DPF3: variants seen among roughly 807,000 people sequenced by gnomAD.
DPF3 encodes the protein double PHD fingers 3, also known as zinc finger protein DPF3.
DPF3 carries 18 observed loss-of-function variants against 56.8 expected under a neutral mutation model. The observed-to-expected ratio is 0.32, with a 90% confidence interval of 0.22 to 0.47. DPF3 has a LOEUF of 0.47. DPF3 is among the 20% of genes least tolerant of loss of function. The pLI is 1.00. For synonymous variants in DPF3, 188 were observed against 180.2 expected, an observed-to-expected ratio of 1.04 and a Z score of -0.35; for missense variants, 403 against 488.8, an observed-to-expected ratio of 0.82 and a Z score of 1.65.
At chr14:72,634,170 G>C (rs1599320032) in intron 8 of DPF3, among the ~76,000 whole-genome samples, 1 of 152,150 alleles carries the variant, frequency 6.6e-6, no homozygotes, top group African/African-American at 2.4e-5. Context: ...GAAGAAAGTA[G>C]GGGAGGGAAA....
intron 1 of DPF3, among the ~76,000 whole-genome samples, chr14:72,871,496 G>A (rs1024713329): frequency 6.6e-6 from 1 of 152,220 alleles, no homozygotes. Context: ...CAGCGCCCAG[G>A]TAGGTCTGAA....
chr14:72,789,608 C>T (rs2139979710), intron 1 of DPF3, among the ~76,000 whole-genome samples: 1 of 152,324 alleles, frequency 6.6e-6, no homozygotes, highest in African/African-American at 2.4e-5. Flanking sequence ...TGGCTCACTG[C>T]AGCCTCGATC....
intron 8 of DPF3, among the ~76,000 whole-genome samples, chr14:72,648,631 C>G (rs1885800535): frequency 6.6e-6 from 1 of 151,924 alleles, no homozygotes; most frequent in Non-Finnish European, 1.5e-5. Context: ...CCACCCAGCT[C>G]CCCGCCTCTG....
chr14:72,826,769 G>A (rs959356630), intron 1 of DPF3, among the ~76,000 whole-genome samples: 3 of 152,220 alleles, frequency 2.0e-5, no homozygotes, highest in East Asian at 3.9e-4. Context: ...ATGGCCGGGC[G>A]CGGTGGCTCA....
chr14:72,620,029 T>C (rs1884325288), intron 9 of DPF3, 45 bp from the exon 10 acceptor site: 3 of 1,490,698 alleles, frequency 2.0e-6, no homozygotes, highest in Non-Finnish European at 2.7e-6. Context: ...GATTCCATTA[T>C]TCGGGGCCAA....
At chr14:72,653,746 C>T (rs1885986529) in intron 8 of DPF3, among the ~76,000 whole-genome samples, 1 of 152,202 alleles carries the variant, frequency 6.6e-6, no homozygotes, top group Non-Finnish European at 1.5e-5. Context: ...GGATATCCCA[C>T]ACTCCTCCCA....
chr14:72,614,979 G>C lies in DPF3; in HGVS notation c.*4318C>G, dbSNP rs1884006173. ...CCCAGGAATGGAAGCCTGCTAAAAG[G>C]GACACCAAGTCACCACTGCTACCAG... On this transcript the variant is annotated 3_prime_UTR_variant, in exon 11 of 11. Transcript: ENST00000556509. 6.8e-6 allele frequency among the ~76,000 whole-genome samples: 1 copy of C among 148,080 alleles called. No homozygotes were observed. The highest frequency in any genetic ancestry group is 2.3e-4 in the South Asian group (1 of 4,318).
intron 1 of DPF3, among the ~76,000 whole-genome samples, chr14:72,793,981 T>A (rs1216813663): frequency 6.6e-6 from 1 of 152,192 alleles, no homozygotes; most frequent in Non-Finnish European, 1.5e-5. Flanking sequence ...TTAACATTCA[T>A]CCAGTCAGGC....
At chr14:72,871,769 G>A (rs12050368) in intron 1 of DPF3, among the ~76,000 whole-genome samples, 14,603 of 152,284 alleles carry the variant, frequency 0.096, 1,130 homozygotes, top group African/African-American at 0.21. Context: ...CTGGCATTGA[G>A]TCTCTGCAGC....
intron 1 of DPF3, among the ~76,000 whole-genome samples, chr14:72,812,359 G>A (rs992001250): frequency 2.6e-5 from 4 of 152,170 alleles, no homozygotes; most frequent in Admixed American, 2.6e-4. Flanking sequence ...ATGTGCCTCT[G>A]CAGCCTCCCA....
chr14:72,671,061 A>G (rs978855910), intron 8 of DPF3: 3 of 1,535,932 alleles, frequency 2.0e-6, no homozygotes, highest in Admixed American at 4.3e-5. Context: ...ATTAAAAAAA[A>G]TATATATCAG....
In DPF3 at chr14:72,751,581, G is replaced by A. The variant is rs577223413; in HGVS notation, c.301+1683C>T. Among the ~76,000 whole-genome samples, 19 of 152,334 alleles carry A rather than the reference G, an allele frequency of 1.2e-4. 1 individual carries two copies. In the East Asian group the frequency reaches 3.1e-3, roughly 25 times the overall value. On this transcript the variant is annotated intron_variant, in intron 3 of 10. Transcript: ENST00000556509. The stretch of plus-strand genomic sequence containing the variant: ...ACCACTAGCCACCTGTGGCTACTGA[G>A]TGCTTGAAATGTGGCTAGTCCAAAA...
At chr14:72,698,814 G>A (rs935142510) in intron 6 of DPF3, among the ~76,000 whole-genome samples, 1 of 152,236 alleles carries the variant, frequency 6.6e-6, no homozygotes, top group African/African-American at 2.4e-5. Context: ...ACTACCATAA[G>A]TGGATGAGCA....
chr14:72,680,368 G>A (rs909040446), intron 7 of DPF3, among the ~76,000 whole-genome samples: 4 of 152,232 alleles, frequency 2.6e-5, no homozygotes, highest in Non-Finnish European at 5.9e-5. Flanking sequence ...CTCAGGTCCC[G>A]CCCCAGGGCT....
At chr14:72,871,963 A>C (rs1382376520) in intron 1 of DPF3, among the ~76,000 whole-genome samples, 1 of 152,246 alleles carries the variant, frequency 6.6e-6, no homozygotes, top group Non-Finnish European at 1.5e-5. Flanking sequence ...CCGCCCCTGC[A>C]GCAAACTTTT....
At chr14:72,869,438 G>A (rs1885806062) in intron 1 of DPF3, among the ~76,000 whole-genome samples, 2 of 152,158 alleles carry the variant, frequency 1.3e-5, no homozygotes, top group Admixed American at 1.3e-4. Context: ...CTGTGGTCTG[G>A]GGAGACATGG....
At chr14:72,883,913 T>C (rs375156781) in intron 1 of DPF3, among the ~76,000 whole-genome samples, 1 of 132,508 alleles carries the variant, frequency 7.5e-6, no homozygotes, top group African/African-American at 2.8e-5. Context: ...GGCGACAGAG[T>C]GAGACTCTGT....
At chr14:72,697,767 G>C (rs1599366099) in intron 6 of DPF3, among the ~76,000 whole-genome samples, 1 of 152,168 alleles carries the variant, frequency 6.6e-6, no homozygotes, top group Admixed American at 6.5e-5. Flanking sequence ...CTTGTGCATG[G>C]AGAGGAAAAA....
intron 3 of DPF3, among the ~76,000 whole-genome samples, chr14:72,746,008 C>G (rs970832108): frequency 6.6e-6 from 1 of 152,180 alleles, no homozygotes; most frequent in Non-Finnish European, 1.5e-5. Flanking sequence ...AAAGGGACCC[C>G]CACCAGGTGC....
Sources: gnomAD v4.1 joint callset for allele counts (sites outside exome capture counted in the v4.1 genomes callset) on GRCh38, gnomAD v4.1.1 for gene constraint, MANE v1.5 for transcripts, NCBI Gene and HGNC (gene_info 2026-07-23, HGNC 2026-07-21) for gene names.